Variants in DNAH6 observed in about 807,000 individuals in gnomAD.
The protein encoded by DNAH6 is dynein axonemal heavy chain 6.
Under a neutral mutation model 491.4 loss-of-function variants are expected in DNAH6, and 340 were observed. The ratio of observed to expected loss-of-function variants is 0.69; its 90% confidence interval spans 0.63 to 0.76. DNAH6 has a LOEUF of 0.76. DNAH6 is among the 30% of genes least tolerant of loss of function. The probability of loss-of-function intolerance (pLI) is 0.00; values close to 1 mark genes in which losing one functional copy is unlikely to be tolerated. For missense variants in DNAH6, 4,443 were observed against 4,972.2 expected, an observed-to-expected ratio of 0.89 and a Z score of 3.20; for synonymous variants, 1,603 against 1,686.1, an observed-to-expected ratio of 0.95 and a Z score of 1.21.
intron 35 of DNAH6, among the ~76,000 whole-genome samples, chr2:84,657,434 A>C (rs572770628): frequency 6.6e-6 from 1 of 152,138 alleles, no homozygotes; most frequent in East Asian, 1.9e-4. Flanking sequence ...ACATCTTAAG[A>C]CTATTTAGTC....
chr2:84,761,830 G>T (rs1237915375), intron 63 of DNAH6, among the ~76,000 whole-genome samples: 1 of 144,842 alleles, frequency 6.9e-6, no homozygotes, highest in Admixed American at 6.8e-5. Context: ...ACAGAATAAG[G>T]CTTGTTTGGA....
intron 4 of DNAH6, among the ~76,000 whole-genome samples, chr2:84,530,210 A>G (rs145001644): frequency 6.6e-6 from 1 of 152,180 alleles, no homozygotes. Context: ...TGAGTAAATT[A>G]TGCAGAATAC....
At chr2:84,708,911 A>G (rs1167570960) in intron 54 of DNAH6, among the ~76,000 whole-genome samples, 1 of 152,118 alleles carries the variant, frequency 6.6e-6, no homozygotes, top group East Asian at 1.9e-4. Flanking sequence ...CTTCTGCATG[A>G]CTGCACCACT....
chr2:84,473,569 T>C, the DNAH6 span, among the ~76,000 whole-genome samples: 2 of 152,220 alleles, frequency 1.3e-5, no homozygotes, highest in African/African-American at 4.8e-5. Context: ...AGGGAGCGTT[T>C]ACTGTTAAGG....
Position 84,715,758 on chromosome 2 carries a change from A to C in DNAH6, c.9611+131A>C, listed in dbSNP as rs1697469499. 6 of 835,592 alleles carry C rather than the reference A, an allele frequency of 7.2e-6. No homozygotes were observed. In the Admixed American group the frequency reaches 1.1e-4, roughly 16 times the overall value. The allele number at this position is 835,592 out of a possible 1,614,324, so 51.8% of individuals were successfully genotyped here. A position where few individuals can be genotyped will look rare whatever the true frequency, so the allele number is the denominator to read the frequency against. ...ACACATGAACCCTTAATCAAAAAAA[A>C]ATACAAGTAAGTGGCCAAGTTCTTT... On this transcript the variant is annotated intron_variant, in intron 58 of 76. Coordinates refer to ENST00000389394, the MANE Select transcript of DNAH6 (RefSeq NM_001370.2).
rs1393625970 is a variant in DNAH6 at position 84,607,096 on chromosome 2, G to T, written c.3294+1G>T. On this transcript the variant is annotated splice_donor_variant, in intron 21 of 76. Transcript: ENST00000389394. LOFTEE classifies it high-confidence loss of function. ...ACTTGCTTTATTTAATCAAACACTGGTGAGTAAGAATAATTTTGATTCATA... is the reference window on the plus strand; with the variant it reads ...ACTTGCTTTATTTAATCAAACACTGTTGAGTAAGAATAATTTTGATTCATA... 1 of 1,550,902 alleles carries T rather than the reference G, an allele frequency of 6.4e-7. No individual in the cohort carries two copies. The highest frequency in any genetic ancestry group is 2.4e-5 in the East Asian group (1 of 40,912).
intron 10 of DNAH6, among the ~76,000 whole-genome samples, chr2:84,553,851 A>G (rs925369780): frequency 1.1e-4 from 17 of 152,096 alleles, no homozygotes; most frequent in Non-Finnish European, 1.5e-4. Flanking sequence ...ATAGCGGTGT[A>G]ACAAGTTACC....
intron 65 of DNAH6, among the ~76,000 whole-genome samples, chr2:84,782,716 T>A (rs1249797560): frequency 6.6e-6 from 1 of 152,214 alleles, no homozygotes; most frequent in East Asian, 1.9e-4. Context: ...CTGCTGGGCC[T>A]GTGGCTTATT....
chr2:84,682,710 A>G (rs11886404), intron 42 of DNAH6, among the ~76,000 whole-genome samples: 5,247 of 152,232 alleles, frequency 0.034, 309 homozygotes, highest in African/African-American at 0.12. Flanking sequence ...ATCCACAAAT[A>G]GTCCTGACAG....
At chr2:84,786,245 G>A (rs1677172683) in intron 67 of DNAH6, among the ~76,000 whole-genome samples, 1 of 152,032 alleles carries the variant, frequency 6.6e-6, no homozygotes, top group Non-Finnish European at 1.5e-5. Flanking sequence ...GGGCAACACA[G>A]CGAAACCCCA....
intron 33 of DNAH6, among the ~76,000 whole-genome samples, chr2:84,648,758 T>C (rs747985939): frequency 6.6e-6 from 1 of 152,200 alleles, no homozygotes; most frequent in Non-Finnish European, 1.5e-5. Context: ...CTATTCCTGG[T>C]GAAGATGCTG....
At chr2:84,598,181 C>CTTTCTTTCTT (rs1684860253) in intron 18 of DNAH6, among the ~76,000 whole-genome samples, 4 of 14,436 alleles carry the variant, frequency 2.8e-4, no homozygotes, top group Admixed American at 1.3e-3. Flanking sequence ...CTTTCTTTCT[C>CTTTCTTTCTT]TCTTTCTTTT....
chr2:84,703,960 CATTATT>C, intron 50 of DNAH6, 101 bp from the exon 51 acceptor site: 6 of 827,542 alleles, frequency 7.3e-6, no homozygotes, highest in Non-Finnish European at 9.5e-6. Context: ...TCCCTTTCAT[CATTATT>C]CTAATCCAAA....
At chr2:84,507,986 T>C in the DNAH6 span, among the ~76,000 whole-genome samples, 2 of 152,236 alleles carry the variant, frequency 1.3e-5, no homozygotes, top group Non-Finnish European at 2.9e-5. Context: ...TCATTGAGGA[T>C]TTTTGCATCG....
At chr2:84,771,476 A>G (rs1004532184) in intron 64 of DNAH6, among the ~76,000 whole-genome samples, 12 of 152,298 alleles carry the variant, frequency 7.9e-5, no homozygotes, top group East Asian at 3.9e-4. Context: ...CAAAGACCTT[A>G]ATGAATTCTA....
the DNAH6 span, among the ~76,000 whole-genome samples, chr2:84,507,647 T>G: frequency 6.6e-6 from 1 of 152,156 alleles, no homozygotes; most frequent in Non-Finnish European, 1.5e-5. Flanking sequence ...CTTGTGCCAG[T>G]TTTCAAAGGG....
intron 47 of DNAH6, 119 bp from the exon 48 acceptor site, chr2:84,699,475 A>G (rs1695685444): frequency 2.4e-6 from 2 of 847,378 alleles, no homozygotes; most frequent in East Asian, 2.7e-5. Flanking sequence ...AAATTTACAT[A>G]TCTACTATGC....
At chr2:84,658,587 T>A (rs928863582) in intron 36 of DNAH6, 113 bp downstream of exon 36, 4 of 737,812 alleles carry the variant, frequency 5.4e-6, no homozygotes, top group Non-Finnish European at 8.2e-6. Context: ...TTAAGTTAAT[T>A]TTTCAGGGGA....
intron 11 of DNAH6, among the ~76,000 whole-genome samples, chr2:84,558,661 A>G (rs766492371): frequency 3.0e-4 from 46 of 152,220 alleles, no homozygotes; most frequent in Non-Finnish European, 6.0e-4. Flanking sequence ...ATTTTGGGCC[A>G]TAGCCACTCA....
Sources: gnomAD v4.1 joint callset for allele counts (sites outside exome capture counted in the v4.1 genomes callset) on GRCh38, gnomAD v4.1.1 for gene constraint, MANE v1.5 for transcripts, NCBI Gene and HGNC (gene_info 2026-07-23, HGNC 2026-07-21) for gene names.